The following SCN7A variants were observed in gnomAD, a reference collection of about 807,000 sequenced individuals.
The protein encoded by SCN7A is sodium voltage-gated channel alpha subunit 7, also known as sodium channel protein type 7 subunit alpha.
A neutral mutation model predicts 155.2 loss-of-function variants in SCN7A; 138 were observed. The ratio of observed to expected loss-of-function variants is 0.89; its 90% CI spans 0.77 to 1.02. The LOEUF (loss-of-function observed/expected upper bound fraction) is 1.02. Ranked by LOEUF, SCN7A falls within the 50% of genes least tolerant of loss-of-function variation. The pLI is 0.00. For missense variants in SCN7A, 2,058 were observed against 1,986.6 expected (o/e 1.04, Z -0.68); for synonymous variants, 693 against 649.0 (o/e 1.07, Z -1.03).
intron 7 of SCN7A, among the ~76,000 whole-genome samples, chr2:166,468,877 C>T (rs957597569): frequency 9.2e-5 from 14 of 151,646 alleles, no homozygotes; most frequent in African/African-American, 1.9e-4. Context: ...TATTAACATG[C>T]GGTCTAAGGG....
At chr2:166,474,184 G>A (rs1019643027) in intron 4 of SCN7A, 42 bp downstream of exon 4, 6 of 908,908 alleles carry the variant, frequency 6.6e-6, no homozygotes, top group Non-Finnish European at 9.7e-6. Context: ...TGCAGTTAAT[G>A]TCAGCACAGT....
chr2:166,486,525 G>A (rs1464611677), intron 2 of SCN7A, among the ~76,000 whole-genome samples: 1 of 152,146 alleles, frequency 6.6e-6, no homozygotes. Context: ...CTGGTACTGA[G>A]AGCTATAGAT....
intron 1 of SCN7A, among the ~76,000 whole-genome samples, chr2:166,493,414 A>C (rs1683158551): frequency 6.6e-6 from 1 of 152,238 alleles, no homozygotes; most frequent in Non-Finnish European, 1.5e-5. Context: ...AGAGCAAAAC[A>C]ATGCAAAAAC....
chr2:166,413,981 G>GTGTATA (rs1553513525), intron 21 of SCN7A, among the ~76,000 whole-genome samples: 2 of 53,502 alleles, frequency 3.7e-5, no homozygotes, highest in Non-Finnish European at 7.1e-5. Flanking sequence ...ATGTGTATGT[G>GTGTATA]TATATATATA....
intron 23 of SCN7A, 33 bp downstream of exon 23, chr2:166,412,496 AG>A: frequency 7.3e-7 from 1 of 1,373,424 alleles, no homozygotes; most frequent in South Asian, 1.9e-5. Flanking sequence ...TGATTTTCTC[AG>A]ACATTGGATA....
intron 23 of SCN7A, 26 bp downstream of exon 23, chr2:166,412,504 G>T: frequency 7.2e-7 from 1 of 1,389,870 alleles, no homozygotes; most frequent in East Asian, 2.9e-5. Context: ...TCAGACATTG[G>T]ATAAACAAAT....
intron 1 of SCN7A, among the ~76,000 whole-genome samples, chr2:166,488,591 AC>A (rs1703103863): frequency 6.6e-6 from 1 of 151,994 alleles, no homozygotes; most frequent in African/African-American, 2.4e-5. Context: ...TGAGAATATA[AC>A]TTAGTGCAGT....
chr2:166,491,551 C>G (rs185624184), intron 1 of SCN7A, among the ~76,000 whole-genome samples: 1 of 152,110 alleles, frequency 6.6e-6, no homozygotes, highest in African/African-American at 2.4e-5. Flanking sequence ...ACCTCTGAAG[C>G]CCTCAGATGA....
chr2:166,465,220 C>A (rs1702502879), intron 9 of SCN7A, among the ~76,000 whole-genome samples: 2 of 152,160 alleles, frequency 1.3e-5, no homozygotes, highest in South Asian at 4.1e-4. Flanking sequence ...GGCCCAGCAC[C>A]TTGATCTGGA....
At chr2:166,464,928 T>C (rs1419265479) in intron 9 of SCN7A, among the ~76,000 whole-genome samples, 1 of 152,220 alleles carries the variant, frequency 6.6e-6, no homozygotes, top group East Asian at 1.9e-4. Flanking sequence ...TATTGCTTTT[T>C]TAATAAAATT....
intron 1 of SCN7A, among the ~76,000 whole-genome samples, chr2:166,493,667 A>G (rs1683165074): frequency 6.6e-6 from 1 of 152,238 alleles, no homozygotes; most frequent in Non-Finnish European, 1.5e-5. Flanking sequence ...AGTCATTGTC[A>G]TATAGGGTTT....
At chr2:166,430,392 A>G (rs1192341695) in intron 16 of SCN7A, among the ~76,000 whole-genome samples, 1 of 151,902 alleles carries the variant, frequency 6.6e-6, no homozygotes, top group Admixed American at 6.6e-5. Flanking sequence ...TATATTCTTT[A>G]TTTATTTCTA....
Position 166,472,441 on chromosome 2 carries a change from T to C in SCN7A, c.448A>G (p.Thr150Ala). The change falls in exon 6 of 26, where the codon ACT becomes GCT. Residue 150 changes from threonine (T) to alanine (A), a missense_variant. Transcript: ENST00000643258. ...TCAAATGTGTAAATTCCAAGCAAAGTATTCCTGCAGAAATTTTTTCATATA... is the reference window on the plus strand; with the variant it reads ...TCAAATGTGTAAATTCCAAGCAAAGCATTCCTGCAGAAATTTTTTCATATA... ...LPKWRPVLEN[T>A]LLGIYTFEIL... The C allele has an allele frequency of 6.3e-7, 1 of 1,596,022 alleles. No individual in the cohort carries two copies. Among genetic ancestry groups the C allele is most frequent in the South Asian group, 1.1e-5 (1 of 89,026 alleles).
intron 7 of SCN7A, among the ~76,000 whole-genome samples, chr2:166,467,929 C>A (rs1243245356): frequency 6.6e-6 from 1 of 151,702 alleles, no homozygotes; most frequent in Admixed American, 6.6e-5. Flanking sequence ...TTATTATTCA[C>A]TGTGTTTCTT....
At position 166,443,378 on chromosome 2, in the gene SCN7A, C is replaced by T. The variant is rs1397177728; in HGVS notation, c.1800+125G>A. 8 of 748,106 alleles carry T rather than the reference C, an allele frequency of 1.1e-5. No homozygotes were observed. The East Asian group carries it at 1.4e-4, about 13-fold the overall frequency. 46.3% of individuals were successfully genotyped at this position (748,106 alleles called of 1,614,324 possible). On this transcript the variant is annotated intron_variant, in intron 14 of 25. Coordinates refer to ENST00000643258, the MANE Select transcript of SCN7A (RefSeq NM_002976.4). ...TCCTTGGCAATAAACTCTTTATATA[C>T]TAATCAATTCATTTAATGCTCCCAA...
rs1701162452 is a variant in SCN7A at position 166,409,939 on chromosome 2, T to A, written c.3712-4A>T. Reference sequence around the variant, plus strand: ...AGATGAATCCTTGGAGCTTGTTCTGTGGGTAAAATCAACAGGTGTAATAGT... The same window carrying A: ...AGATGAATCCTTGGAGCTTGTTCTGAGGGTAAAATCAACAGGTGTAATAGT... On this transcript the variant is annotated splice_polypyrimidine_tract_variant and splice_region_variant and intron_variant, in intron 24 of 25. Coordinates refer to ENST00000643258, the MANE Select transcript of SCN7A (RefSeq NM_002976.4). 1 of 1,554,050 alleles carries A rather than the reference T, an allele frequency of 6.4e-7. No individual in the cohort carries two copies.
At chr2:166,414,414 A>G (rs1701312969) in intron 21 of SCN7A, 1 of 134,802 alleles carries the variant, frequency 7.4e-6, no homozygotes, top group Non-Finnish European at 1.5e-5. Context: ...TGATCAAGTT[A>G]TGGGGTGATG....
intron 25 of SCN7A, among the ~76,000 whole-genome samples, chr2:166,406,848 G>A (rs1701087759): frequency 6.6e-6 from 1 of 151,952 alleles, no homozygotes; most frequent in African/African-American, 2.4e-5. Flanking sequence ...TCAATGCTCA[G>A]GGTATCTAGC....
intron 12 of SCN7A, among the ~76,000 whole-genome samples, chr2:166,445,733 G>A (rs905980929): frequency 2.6e-5 from 4 of 151,998 alleles, no homozygotes; most frequent in Non-Finnish European, 5.9e-5. Context: ...TGGTGGATAA[G>A]CTTTTTGACG....
Sources: allele counts gnomAD v4.1 joint callset (sites outside exome capture counted in the v4.1 genomes callset), GRCh38; gene constraint gnomAD v4.1.1; transcripts MANE v1.5; gene names NCBI Gene and HGNC (gene_info 2026-07-23, HGNC 2026-07-21).